Variants in TMEM108 observed in about 807,000 individuals in gnomAD.
The protein encoded by TMEM108 is cancer/testis antigen 124.
TMEM108 carries 12 observed loss-of-function variants against 35.1 expected under a neutral mutation model. That is an observed-to-expected ratio of 0.34 (90% CI 0.22 to 0.55). The LOEUF is 0.55. TMEM108 is among the 20% of genes least tolerant of loss of function. The pLI is 0.89. For missense variants in TMEM108, 680 were observed against 753.3 expected (o/e 0.90, Z 1.14); for synonymous variants, 287 against 308.6 (o/e 0.93, Z 0.73).
chr3:133,199,955 C>A (rs1385062181), intron 2 of TMEM108, among the ~76,000 whole-genome samples: 2 of 152,170 alleles, frequency 1.3e-5, no homozygotes, highest in African/African-American at 4.8e-5. Context: ...CCTACTCAAG[C>A]CTCAGCAATG....
chr3:133,107,640 G>A (rs1341159868), intron 2 of TMEM108, among the ~76,000 whole-genome samples: 2 of 152,156 alleles, frequency 1.3e-5, no homozygotes, highest in African/African-American at 4.8e-5. Flanking sequence ...AGATCTTGAT[G>A]TTAATTCAGC....
intron 4 of TMEM108, chr3:133,387,050 A>AC: frequency 1.0e-6 from 1 of 985,708 alleles, no homozygotes; most frequent in East Asian, 1.1e-4. Context: ...GAAAGGTGAG[A>AC]CCACTGAAAT....
At chr3:133,109,631 G>T (rs906549149) in intron 2 of TMEM108, among the ~76,000 whole-genome samples, 2 of 152,190 alleles carry the variant, frequency 1.3e-5, no homozygotes, top group Non-Finnish European at 2.9e-5. Flanking sequence ...AGTTTTCCAA[G>T]GTTTTTGTGT....
At chr3:133,267,641 A>G (rs1401426311) in intron 3 of TMEM108, among the ~76,000 whole-genome samples, 1 of 152,252 alleles carries the variant, frequency 6.6e-6, no homozygotes, top group Non-Finnish European at 1.5e-5. Flanking sequence ...GGAGATTCTA[A>G]TGAAATGTCT....
chr3:133,146,099 G>A (rs1032745372), intron 2 of TMEM108, among the ~76,000 whole-genome samples: 7 of 152,224 alleles, frequency 4.6e-5, no homozygotes, highest in African/African-American at 1.7e-4. Context: ...ACTGGCTGTG[G>A]GTTTGTCATA....
At chr3:133,126,352 A>C (rs1469283835) in intron 2 of TMEM108, among the ~76,000 whole-genome samples, 1 of 152,006 alleles carries the variant, frequency 6.6e-6, no homozygotes, top group Non-Finnish European at 1.5e-5. Context: ...CTGTAGTACC[A>C]GCTACTCGGG....
intron 2 of TMEM108, among the ~76,000 whole-genome samples, chr3:133,208,737 C>T (rs1176166038): frequency 6.6e-6 from 1 of 152,150 alleles, no homozygotes; most frequent in African/African-American, 2.4e-5. Flanking sequence ...GCTTTTACAG[C>T]AGCCAGTGGT....
Position 133,308,699 on chromosome 3 carries a change from G to A in TMEM108, c.41-71053G>A, listed in dbSNP as rs1019803370. On this transcript the variant is annotated intron_variant, in intron 3 of 5. Transcript: ENST00000321871. ...CGTATGTTGAACCAGCCTTGCATCC[G>A]CGGGGTGAAGCCTACTTGATCGTGG... Among the ~76,000 whole-genome samples the A allele has an allele frequency of 3.9e-5, 6 of 152,276 alleles. No individual in the cohort carries two copies. The South Asian group carries it at 8.3e-4, about 21-fold the overall frequency.
intron 3 of TMEM108, among the ~76,000 whole-genome samples, chr3:133,263,493 G>A (rs1946653948): frequency 6.6e-6 from 1 of 152,170 alleles, no homozygotes; most frequent in Non-Finnish European, 1.5e-5. Flanking sequence ...TGTGAACACT[G>A]TAGCCTTGTT....
chr3:133,379,825 T>C lies in TMEM108; in HGVS notation c.114T>C (p.Leu38=). ...AGGAACCATCTCCCAGGGAATCTCT[T>C]CAGGTCCTCCCTTCAGGCACTCCCC... ...AIQEPSPRES[L]QVLPSGTPPG... is the part of the protein sequence containing the mutation. The change falls in exon 4 of 6, where the codon CTT becomes CTC. Residue 38 remains leucine, a synonymous_variant. Transcript: ENST00000321871. 1 of 1,613,966 alleles carries C rather than the reference T, an allele frequency of 6.2e-7. No individual in the cohort carries two copies. Among genetic ancestry groups the C allele is most frequent in the Non-Finnish European group, 8.5e-7 (1 of 1,179,930 alleles).
intron 2 of TMEM108, among the ~76,000 whole-genome samples, chr3:133,133,520 A>G (rs538390900): frequency 1.3e-5 from 2 of 151,436 alleles, no homozygotes; most frequent in Non-Finnish European, 2.9e-5. Context: ...TCACTTTATT[A>G]TGGTAGTCTG....
intron 3 of TMEM108, among the ~76,000 whole-genome samples, chr3:133,292,683 T>C (rs1947089326): frequency 6.6e-6 from 1 of 152,152 alleles, no homozygotes; most frequent in Non-Finnish European, 1.5e-5. Flanking sequence ...TTTTAAAGCA[T>C]CTGTTTCAAA....
chr3:133,138,241 T>G (rs1360227995), intron 2 of TMEM108, among the ~76,000 whole-genome samples: 1 of 152,204 alleles, frequency 6.6e-6, no homozygotes, highest in African/African-American at 2.4e-5. Flanking sequence ...TTACAAGCAA[T>G]GACCATTTAC....
At chr3:133,354,304 G>A (rs1357170320) in intron 3 of TMEM108, among the ~76,000 whole-genome samples, 1 of 152,186 alleles carries the variant, frequency 6.6e-6, no homozygotes, top group Non-Finnish European at 1.5e-5. Flanking sequence ...CTCAGCTGGG[G>A]ATGTTGCCTG....
chr3:133,372,635 C>G (rs751569840), intron 3 of TMEM108, among the ~76,000 whole-genome samples: 3 of 152,188 alleles, frequency 2.0e-5, no homozygotes, highest in Non-Finnish European at 4.4e-5. Flanking sequence ...CTCTGGGAAG[C>G]AGTTTCCCAA....
chr3:133,268,463 T>C (rs6439398), intron 3 of TMEM108, among the ~76,000 whole-genome samples: 151,397 of 152,304 alleles, frequency 0.99, 75,253 homozygotes, highest in Middle Eastern at 1. Context: ...TTATAGAGGA[T>C]GTTGTAGAAA....
intron 3 of TMEM108, among the ~76,000 whole-genome samples, chr3:133,302,210 C>T (rs1344250148): frequency 6.6e-6 from 1 of 152,152 alleles, no homozygotes; most frequent in South Asian, 2.1e-4. Flanking sequence ...TCTCACTGCT[C>T]ATTTTCTTGT....
At chr3:133,255,733 A>T (rs1242593125) in intron 3 of TMEM108, among the ~76,000 whole-genome samples, 1 of 152,218 alleles carries the variant, frequency 6.6e-6, no homozygotes, top group African/African-American at 2.4e-5. Flanking sequence ...TCACGCCTGT[A>T]ATCCAAGCTC....
At chr3:133,386,369 A>G in intron 4 of TMEM108, 1 of 1,535,042 alleles carries the variant, frequency 6.5e-7, no homozygotes, top group Non-Finnish European at 8.7e-7. Flanking sequence ...AGTTGTTTGA[A>G]AGGTTGAATC....
Sources: gnomAD v4.1 joint callset for allele counts (sites outside exome capture counted in the v4.1 genomes callset) on GRCh38, gnomAD v4.1.1 for gene constraint, MANE v1.5 for transcripts, NCBI Gene and HGNC (gene_info 2026-07-23, HGNC 2026-07-21) for gene names.